Variants in AHCY observed in about 807,000 individuals in gnomAD.
AHCY encodes the protein S-adenosyl-L-homocysteine hydrolase.
A neutral mutation model predicts 45.4 loss-of-function variants in AHCY; 24 were observed. That is an observed-to-expected ratio of 0.53 (90% CI 0.38 to 0.74). The LOEUF (loss-of-function observed/expected upper bound fraction) is 0.74. Among genes scored for constraint, AHCY ranks in the 30% least tolerant of loss-of-function variants. AHCY has a pLI of 0.00. For missense variants in AHCY, 449 were observed against 594.1 expected, an observed-to-expected ratio of 0.76 and a Z score of 2.54; for synonymous variants, 245 against 235.1, an observed-to-expected ratio of 1.04 and a Z score of -0.39.
intron 8 of AHCY, among the ~76,000 whole-genome samples, chr20:34,286,990 C>T (rs1193578915): frequency 2.6e-5 from 4 of 152,068 alleles, no homozygotes; most frequent in African/African-American, 9.7e-5. Flanking sequence ...CTCAGTGCCC[C>T]AGTCCTCCGT....
chr20:34,285,731 T>C (rs1214237575), intron 8 of AHCY, 97 bp from the exon 9 acceptor site: 4 of 1,394,014 alleles, frequency 2.9e-6, no homozygotes, highest in Non-Finnish European at 4.0e-6. Context: ...ACAGTGCCCA[T>C]GAGGAGTCCG....
chr20:34,281,091 GGCTT>G lies in AHCY; in HGVS notation c.1238_1241del (p.Gln413ProfsTer41). 1 of 1,614,134 alleles carries G rather than the reference GGCTT, an allele frequency of 6.2e-7. No homozygotes were observed. Among genetic ancestry groups the G allele is most frequent in the South Asian group, 1.1e-5 (1 of 91,072 alleles). On this transcript the variant is annotated frameshift_variant, in exon 10 of 10. Transcript: ENST00000217426. LOFTEE classifies it high-confidence loss of function. ...CATCACAGGACATGCCCAGGTACTG[GGCTT>G]GCTTCTCAGTTAGCTTGGTCAACTT...
At chr20:34,286,999 G>A (rs1039173444) in intron 8 of AHCY, among the ~76,000 whole-genome samples, 15 of 151,950 alleles carry the variant, frequency 9.9e-5, no homozygotes, top group African/African-American at 2.4e-4. Context: ...CCAGTCCTCC[G>A]TCTGTCCCAG....
chr20:34,302,810 C>G (rs777894020), intron 1 of AHCY: 13 of 1,019,750 alleles, frequency 1.3e-5, no homozygotes, highest in Non-Finnish European at 1.5e-5. Flanking sequence ...TCCGGGGTGC[C>G]CTCGCCGTCC....
intron 1 of AHCY, among the ~76,000 whole-genome samples, chr20:34,298,613 G>A (rs970153513): frequency 3.3e-5 from 5 of 149,374 alleles, no homozygotes; most frequent in Admixed American, 2.0e-4. Flanking sequence ...GGCGGGAGGG[G>A]GGGGGGTGTC....
At chr20:34,282,166 T>C (rs1354735648) in intron 9 of AHCY, among the ~76,000 whole-genome samples, 1 of 151,986 alleles carries the variant, frequency 6.6e-6, no homozygotes, top group Non-Finnish European at 1.5e-5. Context: ...GGTGTGTGAC[T>C]TTGGACACAA....
At chr20:34,302,007 T>G (rs2122826684) in intron 1 of AHCY, 1 of 718,668 alleles carries the variant, frequency 1.4e-6, no homozygotes, top group Non-Finnish European at 1.5e-6. Flanking sequence ...TTTTTGTTTG[T>G]TTTTTTTTTT....
downstream of AHCY, among the ~76,000 whole-genome samples, chr20:34,276,154 C>G (rs538082420): frequency 6.6e-6 from 1 of 152,308 alleles, no homozygotes; most frequent in South Asian, 2.1e-4. Flanking sequence ...TACTGTGCAA[C>G]AGGCACAGAG....
chr20:34,276,786 G>C (rs922226620), downstream of AHCY, among the ~76,000 whole-genome samples: 3 of 152,062 alleles, frequency 2.0e-5, no homozygotes, highest in African/African-American at 7.2e-5. Flanking sequence ...TGAGCCACAT[G>C]CCTGTCTTGG....
intron 1 of AHCY, among the ~76,000 whole-genome samples, chr20:34,298,071 A>C (rs2036629565): frequency 6.6e-6 from 1 of 152,092 alleles, no homozygotes. Flanking sequence ...CCTGGGAGGC[A>C]GAGGCTGCAA....
exon 1 of AHCY, chr20:34,311,657 G>A (rs1390226207): frequency 2.6e-5 from 4 of 152,512 alleles, no homozygotes; most frequent in Admixed American, 6.5e-5. Context: ...TGGAGGCTTC[G>A]AGATGGGATA....
the AHCY span, among the ~76,000 whole-genome samples, chr20:34,234,163 C>T: frequency 6.6e-6 from 1 of 152,204 alleles, no homozygotes; most frequent in South Asian, 2.1e-4. Flanking sequence ...TAGTTGGTCT[C>T]ATCAGAGAAT....
At chr20:34,278,341 G>C (rs1392172027), downstream of AHCY, among the ~76,000 whole-genome samples, 2 of 152,222 alleles carry the variant, frequency 1.3e-5, no homozygotes, top group Non-Finnish European at 2.9e-5. Flanking sequence ...GGATCTGGCA[G>C]GAGGAAGCAT....
chr20:34,302,511 A>G (rs766832626), intron 1 of AHCY: 114 of 752,950 alleles, frequency 1.5e-4, no homozygotes, highest in Admixed American at 1.9e-4. Flanking sequence ...TCTCATCATA[A>G]AATGAGAACA....
rs951097456 is a variant in AHCY at position 34,303,273 on chromosome 20, T to C, written c.-3A>G. ...TTGTAGGGCAGTTTGTCAGACATGCTGGCGGCACTCGTGATGGAAACGGGC... is the reference window on the plus strand; with the variant it reads ...TTGTAGGGCAGTTTGTCAGACATGCCGGCGGCACTCGTGATGGAAACGGGC... On this transcript the variant is annotated 5_prime_UTR_variant, in exon 1 of 10. Coordinates refer to ENST00000217426, the MANE Select transcript of AHCY (RefSeq NM_000687.4). 5 of 1,551,608 alleles carry C rather than the reference T, an allele frequency of 3.2e-6. No homozygotes were observed. The highest frequency in any genetic ancestry group is 3.9e-5 in the Admixed American group (2 of 51,008).
At chr20:34,251,648 A>G in the AHCY span, among the ~76,000 whole-genome samples, 18,420 of 152,106 alleles carry the variant, frequency 0.12, 1,210 homozygotes, top group East Asian at 0.22. Flanking sequence ...GGAATTTGCT[A>G]TGTTCTGAAT....
chr20:34,280,098 A>C (rs2035955421), downstream of AHCY, among the ~76,000 whole-genome samples: 1 of 152,170 alleles, frequency 6.6e-6, no homozygotes, highest in African/African-American at 2.4e-5. Context: ...TCTCAAAAAA[A>C]AACGAAAGAG....
chr20:34,262,839 C>A, the AHCY span: 7 of 1,613,936 alleles, frequency 4.3e-6, no homozygotes, highest in South Asian at 7.7e-5. Flanking sequence ...AAGCGCTGAA[C>A]AAGAAATCCA....
At chr20:34,261,647 C>G in the AHCY span, among the ~76,000 whole-genome samples, 1,035 of 150,950 alleles carry the variant, frequency 6.9e-3, 6 homozygotes, top group Non-Finnish European at 0.012. Flanking sequence ...AACAAACAAA[C>G]AAAAACTAGC....
Sources: allele counts gnomAD v4.1 joint callset (sites outside exome capture counted in the v4.1 genomes callset), GRCh38; gene constraint gnomAD v4.1.1; transcripts MANE v1.5; gene names NCBI Gene and HGNC (gene_info 2026-07-23, HGNC 2026-07-21).